The following CEP57L1 variants were observed in gnomAD, a reference collection of about 807,000 sequenced individuals.
CEP57L1 encodes the protein centrosomal protein 57 like 1.
In CEP57L1, 37 loss-of-function variants were observed where a neutral mutation model predicts 61.0. The observed-to-expected ratio is 0.61, with a 90% CI of 0.47 to 0.80. CEP57L1 has a LOEUF of 0.80. Among genes scored for constraint, CEP57L1 ranks in the 30% least tolerant of loss-of-function variants. CEP57L1 has a pLI of 0.00. For synonymous variants in CEP57L1, 137 were observed against 162.3 expected, an observed-to-expected ratio of 0.84 and a Z score of 1.19; for missense variants, 422 against 524.7, an observed-to-expected ratio of 0.80 and a Z score of 1.91.
chr6:109,124,339 G>T (rs969314066), intron 1 of CEP57L1, among the ~76,000 whole-genome samples: 1 of 152,116 alleles, frequency 6.6e-6, no homozygotes, highest in African/African-American at 2.4e-5. Context: ...GGCACTATAC[G>T]ACTTTCCAGC....
intron 1 of CEP57L1, among the ~76,000 whole-genome samples, chr6:109,119,803 A>G (rs1583446211): frequency 6.6e-6 from 1 of 152,322 alleles, no homozygotes; most frequent in South Asian, 2.1e-4. Context: ...GGAATCAAGC[A>G]TTTCACTTGA....
At chr6:109,099,395 T>C (rs1233849970) in intron 1 of CEP57L1, among the ~76,000 whole-genome samples, 2 of 152,118 alleles carry the variant, frequency 1.3e-5, no homozygotes, top group Non-Finnish European at 2.9e-5. Flanking sequence ...AAATAAGTTA[T>C]GTTAAATGTT....
intron 3 of CEP57L1, among the ~76,000 whole-genome samples, chr6:109,148,581 G>A (rs1180785831): frequency 1.3e-5 from 2 of 152,078 alleles, no homozygotes; most frequent in African/African-American, 2.4e-5. Flanking sequence ...ATAAACATAC[G>A]TGTGCATGTG....
chr6:109,154,032 A>G, intron 5 of CEP57L1, 83 bp downstream of exon 5: 1 of 754,452 alleles, frequency 1.3e-6, no homozygotes, highest in Non-Finnish European at 2.2e-6. Flanking sequence ...TGTAGAGTAA[A>G]TCTTAGATTT....
intron 1 of CEP57L1, among the ~76,000 whole-genome samples, chr6:109,107,536 G>T (rs74623850): frequency 0.018 from 2,696 of 152,156 alleles, 78 homozygotes; most frequent in African/African-American, 0.062. Flanking sequence ...AGACTTAATG[G>T]TTGTCTAAAT....
Position 109,172,977 on chromosome 6 carries a change from G to C in CEP57L1, c.*10007G>C, listed in dbSNP as rs1322207065. 1.3e-5 allele frequency among the ~76,000 whole-genome samples: 2 copies of C among 152,186 alleles called. No individual in the cohort carries two copies. Among genetic ancestry groups the C allele is most frequent in the Non-Finnish European group, 2.9e-5 (2 of 68,044 alleles). On this transcript the variant is annotated 3_prime_UTR_variant, in exon 11 of 11. Coordinates refer to ENST00000517392, the MANE Select transcript of CEP57L1 (RefSeq NM_001271852.3). Reference sequence around the variant, plus strand: ...CAATTTACCTCAGCCAAGTTGCTTGGACTGCTTTGCTTAATAATGGGTTTG... The same window carrying C: ...CAATTTACCTCAGCCAAGTTGCTTGCACTGCTTTGCTTAATAATGGGTTTG...
At chr6:109,151,920 ATTTTCCCCTT>A in intron 4 of CEP57L1, among the ~76,000 whole-genome samples, 1 of 150,444 alleles carries the variant, frequency 6.6e-6, no homozygotes. Context: ...TGCTATTAAG[ATTTTCCCCTT>A]TATCACTAGT....
chr6:109,153,231 C>CAT (rs1242025865), intron 4 of CEP57L1, among the ~76,000 whole-genome samples: 31 of 79,020 alleles, frequency 3.9e-4, no homozygotes, highest in African/African-American at 1.4e-3. Flanking sequence ...CTAATCTGCA[C>CAT]TTTTTTTTTT....
At chr6:109,115,061 A>G (rs567027093) in intron 1 of CEP57L1, among the ~76,000 whole-genome samples, 59 of 152,252 alleles carry the variant, frequency 3.9e-4, no homozygotes, top group Admixed American at 2.0e-3. Context: ...CAGATAAACC[A>G]TGATTAATAC....
chr6:109,126,004 T>C (rs1310871618), intron 1 of CEP57L1, among the ~76,000 whole-genome samples: 1 of 152,152 alleles, frequency 6.6e-6, no homozygotes, highest in Non-Finnish European at 1.5e-5. Flanking sequence ...GTTAGGACAG[T>C]ATTTACTGAT....
chr6:109,121,490 G>A lies in CEP57L1; in HGVS notation c.-3-23729G>A, dbSNP rs566256567. ...GATTAATTTTTCTTAAAAAGAGCCAGGATACTCTGGATGTAATGAAAATAT... is the reference window on the plus strand; with the variant it reads ...GATTAATTTTTCTTAAAAAGAGCCAAGATACTCTGGATGTAATGAAAATAT... On this transcript the variant is annotated intron_variant, in intron 1 of 10. Transcript: ENST00000517392. 7.2e-5 allele frequency among the ~76,000 whole-genome samples: 11 copies of A among 152,234 alleles called. No individual in the cohort carries two copies. The South Asian group carries it at 2.3e-3, about 32-fold the overall frequency.
At chr6:109,112,867 C>CTGAGAGACTGTTTGTTA (rs1314987636) in intron 1 of CEP57L1, among the ~76,000 whole-genome samples, 1 of 152,190 alleles carries the variant, frequency 6.6e-6, no homozygotes, top group African/African-American at 2.4e-5. Context: ...GCACTGTGGT[C>CTGAGAGACTGTTTGTTA]TGAGAGACTG....
chr6:109,122,945 G>A (rs1186047149), intron 1 of CEP57L1, among the ~76,000 whole-genome samples: 1 of 152,028 alleles, frequency 6.6e-6, no homozygotes, highest in African/African-American at 2.4e-5. Flanking sequence ...CATTCCTTCA[G>A]TGATCTTCAA....
rs145727888 is a variant in CEP57L1, at chr6:109,142,315, C to G, written c.-3-2904C>G. On this transcript the variant is annotated intron_variant, in intron 1 of 10. Transcript: ENST00000517392. Reference sequence around the variant, plus strand: ...AATGAGATCATGTCCTTGGCAGAGACATGGATGGAGCTGGAAGCCATCATC... The same window carrying G: ...AATGAGATCATGTCCTTGGCAGAGAGATGGATGGAGCTGGAAGCCATCATC... Among the ~76,000 whole-genome samples the G allele has an allele frequency of 7.9e-3, 1,200 of 152,204 alleles. 19 individuals are homozygous for G. The highest frequency in any genetic ancestry group is 0.028 in the African/African-American group (1,151 of 41,522).
chr6:109,118,945 A>G (rs572053060), intron 1 of CEP57L1, among the ~76,000 whole-genome samples: 3 of 152,332 alleles, frequency 2.0e-5, no homozygotes, highest in African/African-American at 7.2e-5. Context: ...TGGGGAAGAC[A>G]TGAACAGATT....
chr6:109,141,415 C>A (rs574130236), intron 1 of CEP57L1, among the ~76,000 whole-genome samples: 5 of 150,550 alleles, frequency 3.3e-5, no homozygotes, highest in Admixed American at 6.6e-5. Flanking sequence ...CAGGGTTTCA[C>A]TGTTGGCCAG....
At chr6:109,110,835 T>C (rs188559061) in intron 1 of CEP57L1, among the ~76,000 whole-genome samples, 2 of 152,346 alleles carry the variant, frequency 1.3e-5, no homozygotes. Flanking sequence ...CAGATGGTTG[T>C]AGATGTGTGG....
At chr6:109,139,786 C>G (rs145792887) in intron 1 of CEP57L1, among the ~76,000 whole-genome samples, 200 of 151,980 alleles carry the variant, frequency 1.3e-3, no homozygotes, top group African/African-American at 4.6e-3. Context: ...CCATGCCCAG[C>G]CTGCCTGGCT....
At chr6:109,126,123 G>A (rs1180875952) in intron 1 of CEP57L1, among the ~76,000 whole-genome samples, 1 of 152,056 alleles carries the variant, frequency 6.6e-6, no homozygotes, top group African/African-American at 2.4e-5. Flanking sequence ...TTTGGATTAG[G>A]CCCTGAAGAT....
Sources: gnomAD v4.1 joint callset for allele counts (sites outside exome capture counted in the v4.1 genomes callset) on GRCh38, gnomAD v4.1.1 for gene constraint, MANE v1.5 for transcripts, NCBI Gene and HGNC (gene_info 2026-07-23, HGNC 2026-07-21) for gene names.